The following SOX6 variants were observed in gnomAD, a reference collection of about 807,000 sequenced individuals.
SOX6 encodes the protein transcription factor SOX-6.
Under a neutral mutation model 97.8 loss-of-function variants are expected in SOX6, and 11 were observed. The observed-to-expected ratio is 0.11, with a 90% CI of 0.07 to 0.19. The LOEUF (loss-of-function observed/expected upper bound fraction) is 0.19, where lower values mean the gene tolerates loss of function less well. Among genes scored for constraint, SOX6 ranks in the 10% least tolerant of loss-of-function variants. The pLI, the probability that SOX6 is intolerant of heterozygous loss-of-function variation, is 1.00. For synonymous variants in SOX6, 360 were observed against 371.4 expected (o/e 0.97, Z 0.35); for missense variants, 810 against 1,039.5 (o/e 0.78, Z 3.04).
intron 6 of SOX6, among the ~76,000 whole-genome samples, chr11:16,133,094 G>T (rs1364341598): frequency 6.6e-6 from 1 of 152,268 alleles, no homozygotes; most frequent in East Asian, 1.9e-4. Flanking sequence ...TTAAAAGAGG[G>T]TATTGCAAAG....
chr11:16,214,378 A>C (rs1269559641), intron 4 of SOX6, among the ~76,000 whole-genome samples: 4 of 152,208 alleles, frequency 2.6e-5, no homozygotes, highest in Admixed American at 6.5e-5. Context: ...GTGCTGAATT[A>C]CTGGGTACTT....
intron 12 of SOX6, among the ~76,000 whole-genome samples, chr11:16,020,918 T>A (rs1302253891): frequency 6.6e-6 from 1 of 152,114 alleles, no homozygotes; most frequent in Non-Finnish European, 1.5e-5. Context: ...TAAGGCCACA[T>A]AACTAATCTA....
chr11:16,383,513 T>A (rs1243513694), intron 1 of SOX6, among the ~76,000 whole-genome samples: 1 of 151,866 alleles, frequency 6.6e-6, no homozygotes, highest in Non-Finnish European at 1.5e-5. Flanking sequence ...CTTCTCTGAG[T>A]CCAGGTATCT....
At chr11:16,196,915 C>G (rs2134120910) in intron 4 of SOX6, among the ~76,000 whole-genome samples, 1 of 149,270 alleles carries the variant, frequency 6.7e-6, no homozygotes, top group South Asian at 2.1e-4. Flanking sequence ...CTCACTGCAG[C>G]CTCCACCTCC....
At chr11:16,540,286 A>C (rs1194652134) in intron 4 of SOX6, among the ~76,000 whole-genome samples, 1 of 152,024 alleles carries the variant, frequency 6.6e-6, no homozygotes, top group Admixed American at 6.5e-5. Context: ...CATGCTAAAA[A>C]CTCTCAATAA....
chr11:16,360,004 G>C (rs1857168616), upstream of SOX6, among the ~76,000 whole-genome samples: 1 of 152,148 alleles, frequency 6.6e-6, no homozygotes. Context: ...AGTGAGTCCT[G>C]TCTGACTCCA....
chr11:16,240,417 A>G (rs1039573619), intron 3 of SOX6, among the ~76,000 whole-genome samples: 2 of 151,936 alleles, frequency 1.3e-5, no homozygotes, highest in African/African-American at 4.8e-5. Flanking sequence ...AAACCTGTAC[A>G]TACACATACA....
intron 7 of SOX6, among the ~76,000 whole-genome samples, chr11:16,106,594 C>CA (rs1183267432): frequency 6.6e-6 from 1 of 151,714 alleles, no homozygotes; most frequent in Non-Finnish European, 1.5e-5. Flanking sequence ...AAAATCAACT[C>CA]AAATGGATCA....
rs188159719 is a variant in SOX6, at chr11:16,415,444, G to T, written c.-5+60871C>A. Among the ~76,000 whole-genome samples, 173 of 152,238 alleles carry T rather than the reference G, an allele frequency of 1.1e-3. 1 individual carries two copies. Among genetic ancestry groups the T allele is most frequent in the African/African-American group, 4.1e-3 (169 of 41,564 alleles). ...GTTAAAAGATACAAAATTACAGCTA[G>T]ATAGGAGGAATTTCTATAGAATACT... On this transcript the variant is annotated intron_variant, in intron 1 of 15. Transcript: ENST00000396356.
intron 3 of SOX6, among the ~76,000 whole-genome samples, chr11:16,261,172 C>G (rs1451408708): frequency 6.6e-6 from 1 of 152,062 alleles, no homozygotes; most frequent in Admixed American, 6.6e-5. Flanking sequence ...AGACTATAAG[C>G]TCTATGAGGC....
At chr11:16,228,772 C>T (rs1273650548) in intron 4 of SOX6, among the ~76,000 whole-genome samples, 1 of 152,056 alleles carries the variant, frequency 6.6e-6, no homozygotes, top group African/African-American at 2.4e-5. Flanking sequence ...TCATGCTGTC[C>T]ACCTTACATA....
At chr11:16,490,540 A>G (rs1860495295) in intron 4 of SOX6, among the ~76,000 whole-genome samples, 1 of 152,036 alleles carries the variant, frequency 6.6e-6, no homozygotes, top group Admixed American at 6.6e-5. Flanking sequence ...GCAAGCACTA[A>G]CCAAAAGAAA....
intron 4 of SOX6, among the ~76,000 whole-genome samples, chr11:16,493,594 C>T (rs1410138201): frequency 1.3e-5 from 2 of 152,144 alleles, no homozygotes; most frequent in African/African-American, 4.8e-5. Context: ...TTTTATGATA[C>T]AACTTCTTCT....
At chr11:16,414,765 T>C (rs1407287126) in intron 1 of SOX6, among the ~76,000 whole-genome samples, 4 of 152,232 alleles carry the variant, frequency 2.6e-5, no homozygotes, top group Non-Finnish European at 5.9e-5. Context: ...CAAGTAAATA[T>C]GTTTAACAGA....
At chr11:16,532,371 T>C (rs1861248620) in intron 4 of SOX6, among the ~76,000 whole-genome samples, 2 of 152,032 alleles carry the variant, frequency 1.3e-5, no homozygotes, top group South Asian at 4.1e-4. Context: ...TATAGTCCTA[T>C]GACTTTAATC....
At chr11:16,675,166 A>G (rs1347456684) in intron 3 of SOX6, among the ~76,000 whole-genome samples, 1 of 152,208 alleles carries the variant, frequency 6.6e-6, no homozygotes, top group Non-Finnish European at 1.5e-5. Context: ...AACAAAAAAT[A>G]TAATCCCATT....
At chr11:16,355,759 T>C (rs78942079) in intron 1 of SOX6, among the ~76,000 whole-genome samples, 7,149 of 152,132 alleles carry the variant, frequency 0.047, 562 homozygotes, top group African/African-American at 0.16. Context: ...GTAGGGAATC[T>C]ATGATTCCTC....
At chr11:15,990,758 A>C (rs988593503) in intron 13 of SOX6, among the ~76,000 whole-genome samples, 5 of 152,220 alleles carry the variant, frequency 3.3e-5, no homozygotes, top group Non-Finnish European at 7.3e-5. Context: ...GCATAACAGG[A>C]AAGTCTACGC....
At chr11:16,444,417 T>A (rs1859573443) in intron 1 of SOX6, among the ~76,000 whole-genome samples, 1 of 152,172 alleles carries the variant, frequency 6.6e-6, no homozygotes, top group Admixed American at 6.5e-5. Context: ...ATGGCTCATG[T>A]CTTATCTTTC....
Sources: gnomAD v4.1 joint callset for allele counts (sites outside exome capture counted in the v4.1 genomes callset) on GRCh38, gnomAD v4.1.1 for gene constraint, MANE v1.5 for transcripts, NCBI Gene and HGNC (gene_info 2026-07-23, HGNC 2026-07-21) for gene names.